SMOC1: variants seen among roughly 807,000 people sequenced by gnomAD.
SMOC1 encodes SPARC related modular calcium binding 1, also known as SPARC-related modular calcium-binding protein 1.
In SMOC1, 22 loss-of-function variants were observed where a neutral mutation model predicts 56.3. The ratio of observed to expected loss-of-function variants is 0.39; its 90% confidence interval spans 0.28 to 0.56. SMOC1 has a LOEUF of 0.56. SMOC1 is among the 20% of genes least tolerant of loss of function. SMOC1 has a pLI of 0.61. For synonymous variants in SMOC1, 193 were observed against 215.0 expected, an observed-to-expected ratio of 0.90 and a Z score of 0.89; for missense variants, 509 against 565.4, an observed-to-expected ratio of 0.90 and a Z score of 1.01.
At chr14:69,928,103 A>G (rs559291376) in intron 1 of SMOC1, among the ~76,000 whole-genome samples, 1 of 152,328 alleles carries the variant, frequency 6.6e-6, no homozygotes, top group South Asian at 2.1e-4. Context: ...TCTGAGGCCC[A>G]GTGAGGAGAA....
At chr14:69,885,661 G>A in intron 1 of SMOC1, 1 of 1,451,978 alleles carries the variant, frequency 6.9e-7, no homozygotes, top group East Asian at 2.3e-5. Context: ...TGGGATCCAT[G>A]TCGTGTGAAA....
intron 1 of SMOC1, among the ~76,000 whole-genome samples, chr14:69,922,627 C>T (rs377385956): frequency 2.0e-5 from 3 of 152,214 alleles, no homozygotes; most frequent in East Asian, 1.9e-4. Context: ...GGGCCCCCTC[C>T]AGACCTAGTG....
At chr14:70,014,227 C>A (rs760409311) in intron 10 of SMOC1, among the ~76,000 whole-genome samples, 1 of 152,096 alleles carries the variant, frequency 6.6e-6, no homozygotes, top group Admixed American at 6.5e-5. Context: ...TGCAGCTTAG[C>A]GGGGATACTA....
chr14:69,963,899 A>G (rs536699495), intron 3 of SMOC1, among the ~76,000 whole-genome samples: 1 of 152,172 alleles, frequency 6.6e-6, no homozygotes, highest in African/African-American at 2.4e-5. Context: ...CATGTTTTCA[A>G]TGGAAGAACT....
intron 3 of SMOC1, 68 bp downstream of exon 3, chr14:69,953,600 G>C (rs763226665): frequency 2.3e-4 from 308 of 1,337,620 alleles, no homozygotes; most frequent in Middle Eastern, 3.7e-4. Flanking sequence ...TCCCGAGAGC[G>C]CGAGGGCTGC....
chr14:69,993,946 C>A (rs1355161702), intron 6 of SMOC1, among the ~76,000 whole-genome samples: 1 of 152,202 alleles, frequency 6.6e-6, no homozygotes, highest in Non-Finnish European at 1.5e-5. Context: ...GGGATTGAAG[C>A]ACACATGAGA....
At chr14:69,953,921 C>G (rs1358017191) in intron 3 of SMOC1, among the ~76,000 whole-genome samples, 1 of 152,094 alleles carries the variant, frequency 6.6e-6, no homozygotes, top group Non-Finnish European at 1.5e-5. Flanking sequence ...TTTTTTGCTA[C>G]CCCCTGCCCT....
At chr14:69,988,107 G>A (rs1004272790) in intron 5 of SMOC1, among the ~76,000 whole-genome samples, 1 of 152,210 alleles carries the variant, frequency 6.6e-6, no homozygotes, top group African/African-American at 2.4e-5. Context: ...GGTGAGAATA[G>A]ATGAGGAAAG....
intron 10 of SMOC1, among the ~76,000 whole-genome samples, chr14:70,016,736 T>C (rs1885527278): frequency 6.6e-6 from 1 of 152,190 alleles, no homozygotes; most frequent in African/African-American, 2.4e-5. Context: ...TCAGTTCTGG[T>C]TCCTCAAACA....
chr14:69,986,934 T>C (rs937358864), intron 5 of SMOC1, among the ~76,000 whole-genome samples: 3 of 152,232 alleles, frequency 2.0e-5, no homozygotes, highest in Admixed American at 6.5e-5. Flanking sequence ...CAGTTCACCA[T>C]CCATTTCTGA....
intron 1 of SMOC1, among the ~76,000 whole-genome samples, chr14:69,888,437 T>G (rs1424909910): frequency 6.6e-6 from 1 of 152,214 alleles, no homozygotes; most frequent in Non-Finnish European, 1.5e-5. Context: ...TCAGCATCCT[T>G]TTTTTGAGTC....
chr14:70,000,902 G>A (rs1229022935), intron 7 of SMOC1, among the ~76,000 whole-genome samples: 1 of 152,208 alleles, frequency 6.6e-6, no homozygotes, highest in African/African-American at 2.4e-5. Flanking sequence ...TGAGGAGGTG[G>A]CCTCGGCCAA....
chr14:70,018,861 A>T (rs1435103062), intron 10 of SMOC1, among the ~76,000 whole-genome samples: 1 of 152,188 alleles, frequency 6.6e-6, no homozygotes, highest in East Asian at 1.9e-4. Context: ...AATGTGGCTG[A>T]CTTGGCATTT....
intron 1 of SMOC1, among the ~76,000 whole-genome samples, chr14:69,921,495 C>T (rs1415317693): frequency 1.3e-5 from 2 of 152,204 alleles, no homozygotes; most frequent in East Asian, 1.9e-4. Flanking sequence ...ATTCAACAAA[C>T]AGTTGTTGTA....
chr14:69,881,284 A>G (rs989327188), intron 1 of SMOC1, among the ~76,000 whole-genome samples: 2 of 152,192 alleles, frequency 1.3e-5, no homozygotes, highest in African/African-American at 2.4e-5. Context: ...AATTAGGAAC[A>G]GTCAAGACAG....
rs145317704 is a variant in SMOC1, at chr14:69,995,695, T to G, written c.664+1215T>G. Among the ~76,000 whole-genome samples, 7 of 152,358 alleles carry G rather than the reference T, an allele frequency of 4.6e-5. No individual in the cohort carries two copies. In the East Asian group the frequency reaches 1.3e-3, roughly 29 times the overall value. On this transcript the variant is annotated intron_variant, in intron 7 of 11. Coordinates refer to ENST00000361956, the MANE Select transcript of SMOC1 (RefSeq NM_001034852.3). ...CAAAGGACTATGGTTAAAAGTTAAC[T>G]AAGATAATGTCTATATGGCACTCAA...
chr14:69,889,642 A>G (rs941871872), intron 1 of SMOC1, among the ~76,000 whole-genome samples: 7 of 152,228 alleles, frequency 4.6e-5, no homozygotes, highest in African/African-American at 1.7e-4. Flanking sequence ...TATTGCTGCC[A>G]TGACAAATGA....
chr14:69,890,237 G>A (rs933160376), intron 1 of SMOC1, among the ~76,000 whole-genome samples: 7 of 152,134 alleles, frequency 4.6e-5, no homozygotes, highest in South Asian at 2.1e-4. Context: ...CATCCTGCCC[G>A]AAAGCAGGTG....
intron 11 of SMOC1, among the ~76,000 whole-genome samples, chr14:70,029,906 C>G (rs1276939285): frequency 6.6e-6 from 1 of 152,210 alleles, no homozygotes; most frequent in Non-Finnish European, 1.5e-5. Flanking sequence ...GGTTGAAAAG[C>G]TGGCATGTGA....
Sources: gnomAD v4.1 joint callset for allele counts (sites outside exome capture counted in the v4.1 genomes callset) on GRCh38, gnomAD v4.1.1 for gene constraint, MANE v1.5 for transcripts, NCBI Gene and HGNC (gene_info 2026-07-23, HGNC 2026-07-21) for gene names.